The following MACROH2A2 variants were observed in gnomAD, a reference collection of about 807,000 sequenced individuals.
MACROH2A2 encodes macroH2A.2 histone, also known as core histone macro-H2A.2.
Under a neutral mutation model 37.6 loss-of-function variants are expected in MACROH2A2, and 6 were observed. The ratio of observed to expected loss-of-function variants is 0.16; its 90% CI spans 0.09 to 0.32. The LOEUF is 0.32. Among genes scored for constraint, MACROH2A2 ranks in the 10% least tolerant of loss-of-function variants. The pLI is 1.00. For missense variants in MACROH2A2, 290 were observed against 485.9 expected, an observed-to-expected ratio of 0.60 and a Z score of 3.79; for synonymous variants, 192 against 202.7, an observed-to-expected ratio of 0.95 and a Z score of 0.45.
Position 70,075,553 on chromosome 10 carries a change from A to T in MACROH2A2, c.-59-47A>T. The T allele has an allele frequency of 9.0e-7, 1 of 1,110,124 alleles. No individual in the cohort carries two copies. 68.8% of individuals were successfully genotyped at this position (1,110,124 alleles called of 1,614,324 possible). ...CAAGGGCCATGCCACTGTGCCCAAGATGTTTGCCAACTACCCTTCCTCAAC... is the reference window on the plus strand; with the variant it reads ...CAAGGGCCATGCCACTGTGCCCAAGTTGTTTGCCAACTACCCTTCCTCAAC... On this transcript the variant is annotated intron_variant, in intron 1 of 8. Transcript: ENST00000373255. The surrounding 1 kb of genome is among the most constrained non-coding windows in gnomAD (Gnocchi z 5.0).
At chr10:70,078,969 T>C (rs1194621513) in intron 2 of MACROH2A2, among the ~76,000 whole-genome samples, 1 of 152,168 alleles carries the variant, frequency 6.6e-6, no homozygotes, top group Non-Finnish European at 1.5e-5. Flanking sequence ...GAAACAAATC[T>C]AGACTGAGTG....
At chr10:70,065,146 A>C (rs1211525936) in intron 1 of MACROH2A2, among the ~76,000 whole-genome samples, 1 of 151,796 alleles carries the variant, frequency 6.6e-6, no homozygotes, top group Non-Finnish European at 1.5e-5. Context: ...TCCCAGGTTC[A>C]AGTGATTCTC....
At chr10:70,109,938 C>T (rs1486682960) in intron 8 of MACROH2A2, among the ~76,000 whole-genome samples, 1 of 152,170 alleles carries the variant, frequency 6.6e-6, no homozygotes, top group Non-Finnish European at 1.5e-5. Context: ...ATTTTGAACA[C>T]CCTCTCACCT....
chr10:70,070,174 G>GGT (rs2072101007), intron 1 of MACROH2A2, among the ~76,000 whole-genome samples: 2 of 152,034 alleles, frequency 1.3e-5, no homozygotes, highest in African/African-American at 4.8e-5. Context: ...CTTAAATTCC[G>GGT]CACAAGACCT....
intron 7 of MACROH2A2, among the ~76,000 whole-genome samples, chr10:70,105,030 C>T (rs1334931262): frequency 6.6e-6 from 1 of 152,170 alleles, no homozygotes; most frequent in African/African-American, 2.4e-5. Context: ...TGAGAGGCAG[C>T]GATGCTGCAT....
In MACROH2A2 at chr10:70,091,831, A is replaced by AG; in HGVS notation, c.357dup (p.Thr120AspfsTer48). 6.2e-7 allele frequency: 1 copy of AG among 1,614,122 alleles called. No individual in the cohort carries two copies. The highest frequency in any genetic ancestry group is 8.5e-7 in the Non-Finnish European group (1 of 1,179,998). Reference sequence around the variant, plus strand: ...ACCCCGAACTGCTGGCCAAAAAGCGAGGGACCAAAGGCAAGTCGGAAACGA... The same window carrying AG: ...ACCCCGAACTGCTGGCCAAAAAGCGAGGGGACCAAAGGCAAGTCGGAAACGA... On this transcript the variant is annotated frameshift_variant, in exon 4 of 9. Coordinates refer to ENST00000373255, the MANE Select transcript of MACROH2A2 (RefSeq NM_018649.3). LOFTEE classifies it high-confidence loss of function.
intron 1 of MACROH2A2, among the ~76,000 whole-genome samples, chr10:70,074,207 T>A (rs2072127136): frequency 6.6e-6 from 1 of 152,212 alleles, no homozygotes; most frequent in African/African-American, 2.4e-5. Context: ...TGTCCAGGAA[T>A]ATGTGATTAT....
chr10:70,077,737 T>A (rs2072148206), intron 2 of MACROH2A2, among the ~76,000 whole-genome samples: 2 of 151,954 alleles, frequency 1.3e-5, no homozygotes, highest in Non-Finnish European at 2.9e-5. Context: ...AAAATAAAAA[T>A]AAAAAATAAA....
chr10:70,106,922 C>T (rs1392424560), intron 7 of MACROH2A2, among the ~76,000 whole-genome samples: 5 of 152,066 alleles, frequency 3.3e-5, no homozygotes, highest in Non-Finnish European at 7.4e-5. Context: ...AAACTCTGTC[C>T]GGCATACAAT....
At chr10:70,066,733 C>A (rs1203593163) in intron 1 of MACROH2A2, among the ~76,000 whole-genome samples, 9 of 152,098 alleles carry the variant, frequency 5.9e-5, no homozygotes, top group Admixed American at 5.9e-4. Context: ...GTGTTTGGAG[C>A]CCCCAAATCA....
At chr10:70,083,708 A>G (rs2072194795) in intron 2 of MACROH2A2, among the ~76,000 whole-genome samples, 1 of 151,238 alleles carries the variant, frequency 6.6e-6, no homozygotes, top group African/African-American at 2.4e-5. Flanking sequence ...TGCCAGAGCC[A>G]CAGTGTCTCT....
intron 1 of MACROH2A2, among the ~76,000 whole-genome samples, chr10:70,060,386 A>T (rs987326004): frequency 4.6e-5 from 7 of 151,966 alleles, no homozygotes; most frequent in Non-Finnish European, 7.4e-5. Flanking sequence ...AAGAAAGAAA[A>T]AGAAAAAAGG....
intron 7 of MACROH2A2, among the ~76,000 whole-genome samples, chr10:70,100,772 A>G (rs914680510): frequency 1.3e-5 from 2 of 152,018 alleles, no homozygotes; most frequent in African/African-American, 2.4e-5. Context: ...GCATGCCACC[A>G]TGCCTGGCTA....
chr10:70,109,428 C>G lies in MACROH2A2; in HGVS notation c.953+221C>G, dbSNP rs1212655729. On this transcript the variant is annotated intron_variant, in intron 8 of 8. Coordinates refer to ENST00000373255, the MANE Select transcript of MACROH2A2 (RefSeq NM_018649.3). ...AGGTCTTCCCCGGCTGGGGCCAGCC[C>G]CAGTGCCTCCTTGATGTTAAAGCCC... Among the ~76,000 whole-genome samples, 8 of 152,158 alleles carry G rather than the reference C, an allele frequency of 5.3e-5. No individual in the cohort carries two copies. In the East Asian group the frequency reaches 1.5e-3, roughly 29 times the overall value.
intron 1 of MACROH2A2, among the ~76,000 whole-genome samples, chr10:70,071,094 T>TGTGCGC (rs537404247): frequency 2.9e-4 from 43 of 150,758 alleles, no homozygotes; most frequent in African/African-American, 1.1e-3. Flanking sequence ...TGTGTGTGTG[T>TGTGCGC]GCGCGTGTGC....
At chr10:70,102,337 T>A (rs1176462867) in intron 7 of MACROH2A2, among the ~76,000 whole-genome samples, 1 of 152,228 alleles carries the variant, frequency 6.6e-6, no homozygotes, top group East Asian at 1.9e-4. Flanking sequence ...GCCTGTGGGC[T>A]GTGCGAAGGG....
chr10:70,110,630 A>G (rs1055802346), intron 8 of MACROH2A2, among the ~76,000 whole-genome samples: 2 of 151,124 alleles, frequency 1.3e-5, no homozygotes, highest in African/African-American at 4.9e-5. Context: ...ACGCCTGTAA[A>G]TCCAAAAGCT....
chr10:70,061,447 TAAAG>T (rs981741167), intron 1 of MACROH2A2, among the ~76,000 whole-genome samples: 2 of 152,220 alleles, frequency 1.3e-5, no homozygotes, highest in African/African-American at 4.8e-5. Context: ...AGGCCAATAA[TAAAG>T]AAACAAGCTA....
chr10:70,055,232 G>A (rs1428753423), intron 1 of MACROH2A2, among the ~76,000 whole-genome samples: 1 of 152,194 alleles, frequency 6.6e-6, no homozygotes, highest in Non-Finnish European at 1.5e-5. Context: ...TTGTTACCGG[G>A]GAGGGATGTG....
Sources: allele counts gnomAD v4.1 joint callset (sites outside exome capture counted in the v4.1 genomes callset), GRCh38; gene constraint gnomAD v4.1.1; non-coding constraint Gnocchi (gnomAD v3.1); transcripts MANE v1.5; gene names NCBI Gene and HGNC (gene_info 2026-07-23, HGNC 2026-07-21).